The following RNF220 variants were observed in gnomAD, a reference collection of about 807,000 sequenced individuals.
The protein encoded by RNF220 is E3 ubiquitin-protein ligase RNF220.
Under a neutral mutation model 67.1 loss-of-function variants are expected in RNF220, and 7 were observed. The ratio of observed to expected loss-of-function variants is 0.10; its 90% confidence interval spans 0.06 to 0.20. RNF220 has a LOEUF of 0.20. Ranked by LOEUF, RNF220 falls within the 10% of genes least tolerant of loss-of-function variation. The pLI, the probability that RNF220 is intolerant of heterozygous loss-of-function variation, is 1.00. For missense variants in RNF220, 565 were observed against 740.3 expected, an observed-to-expected ratio of 0.76 and a Z score of 2.75; for synonymous variants, 270 against 283.2, an observed-to-expected ratio of 0.95 and a Z score of 0.47.
intron 2 of RNF220, among the ~76,000 whole-genome samples, chr1:44,501,523 G>GCAAAA (rs1491397792): frequency 0.025 from 3,828 of 152,140 alleles, 147 homozygotes; most frequent in African/African-American, 0.088. Context: ...GAGGAAGGCT[G>GCAAAA]GGCAGAGAAG....
rs148132431 is a variant in RNF220 at position 44,628,136 on chromosome 1, A to G, written c.906+1738A>G. ...GGAATTCTGATCTGATAGGGAACAG[A>G]GACAAGGCTTTGTTCCAGAGCATTC... On this transcript the variant is annotated intron_variant, in intron 5 of 14. Coordinates refer to ENST00000361799, the MANE Select transcript of RNF220 (RefSeq NM_018150.4). Among the ~76,000 whole-genome samples, 25 of 152,380 alleles carry G rather than the reference A, an allele frequency of 1.6e-4. No individual in the cohort carries two copies. The East Asian group carries it at 4.4e-3, about 27-fold the overall frequency.
chr1:44,597,801 C>G (rs1393169253), intron 2 of RNF220, among the ~76,000 whole-genome samples: 2 of 152,122 alleles, frequency 1.3e-5, no homozygotes, highest in Non-Finnish European at 2.9e-5. Context: ...TTACATGGAC[C>G]TCTTTCTCTC....
At chr1:44,629,184 G>A (rs545696312) in intron 5 of RNF220, among the ~76,000 whole-genome samples, 1 of 152,344 alleles carries the variant, frequency 6.6e-6, no homozygotes, top group East Asian at 1.9e-4. Flanking sequence ...CACCAAGAGG[G>A]TAAATGCCAA....
At chr1:44,445,152 G>A (rs1461073650) in intron 2 of RNF220, among the ~76,000 whole-genome samples, 1 of 152,050 alleles carries the variant, frequency 6.6e-6, no homozygotes, top group Non-Finnish European at 1.5e-5. Flanking sequence ...CCATTTAAAT[G>A]TTCTCTTTGG....
At chr1:44,599,323 G>A (rs967866740) in intron 2 of RNF220, among the ~76,000 whole-genome samples, 3 of 152,232 alleles carry the variant, frequency 2.0e-5, no homozygotes, top group Admixed American at 2.0e-4. Flanking sequence ...GAAAAAGAGA[G>A]TAGTTAATTA....
chr1:44,469,132 A>G (rs548553446), intron 2 of RNF220, among the ~76,000 whole-genome samples: 1 of 152,314 alleles, frequency 6.6e-6, no homozygotes, highest in African/African-American at 2.4e-5. Flanking sequence ...TATGAAAAAG[A>G]TGCCTAATTT....
Position 44,649,588 on chromosome 1 carries a change from C to A in RNF220, c.1446-73C>A. 2.2e-6 allele frequency: 3 copies of A among 1,390,618 alleles called. No homozygotes were observed. Among genetic ancestry groups the A allele is most frequent in the South Asian group, 1.2e-5 (1 of 85,852 alleles). 86.1% of individuals were successfully genotyped at this position (1,390,618 alleles called of 1,614,324 possible). ...CATTTATGTATTTGGTTCTGGAATTCAAGGGAGGCGTAGGCTGGAGGTACA... is the reference window on the plus strand; with the variant it reads ...CATTTATGTATTTGGTTCTGGAATTAAAGGGAGGCGTAGGCTGGAGGTACA... On this transcript the variant is annotated intron_variant, in intron 12 of 14. Transcript: ENST00000361799. The surrounding 1 kb of genome is among the most constrained non-coding windows in gnomAD (Gnocchi z 5.9).
chr1:44,555,838 T>G (rs1470085770), intron 2 of RNF220, among the ~76,000 whole-genome samples: 1 of 150,682 alleles, frequency 6.6e-6, no homozygotes, highest in Non-Finnish European at 1.5e-5. Context: ...GCTTAGAATG[T>G]CTTCTATGCC....
chr1:44,604,413 A>G (rs1168553320), intron 2 of RNF220, among the ~76,000 whole-genome samples: 1 of 152,194 alleles, frequency 6.6e-6, no homozygotes, highest in African/African-American at 2.4e-5. Flanking sequence ...GAGAAACTGA[A>G]TTGTAGCTCC....
chr1:44,615,753 C>T (rs919413867), intron 3 of RNF220, among the ~76,000 whole-genome samples: 1 of 152,216 alleles, frequency 6.6e-6, no homozygotes, highest in Non-Finnish European at 1.5e-5. Flanking sequence ...AAGGTAAGGC[C>T]TGAGCTGAAT....
At position 44,524,600 on chromosome 1, in the gene RNF220, G is replaced by A. The variant is rs1291107022; in HGVS notation, c.626-89565G>A. Among the ~76,000 whole-genome samples, 3 of 152,214 alleles carry A rather than the reference G, an allele frequency of 2.0e-5. 1 individual carries two copies. Among genetic ancestry groups the A allele is most frequent in the South Asian group, 2.1e-4 (1 of 4,818 alleles). Reference sequence around the variant, plus strand: ...TCTATCTCTCCCTGCGTCTTGCTCTGCCCGTCTCTTCCTCCGCATCTCTCC... The same window carrying A: ...TCTATCTCTCCCTGCGTCTTGCTCTACCCGTCTCTTCCTCCGCATCTCTCC... On this transcript the variant is annotated intron_variant, in intron 2 of 14. Transcript: ENST00000361799.
At chr1:44,566,686 G>A (rs1664047138) in intron 2 of RNF220, among the ~76,000 whole-genome samples, 1 of 132,626 alleles carries the variant, frequency 7.5e-6, no homozygotes, top group Non-Finnish European at 1.8e-5. Flanking sequence ...AGGGGGCCTG[G>A]TGCAGGAACA....
chr1:44,420,131 C>T (rs1188072144), intron 2 of RNF220, among the ~76,000 whole-genome samples: 1 of 152,156 alleles, frequency 6.6e-6, no homozygotes, highest in East Asian at 1.9e-4. Context: ...CTGTGGAATG[C>T]GTTCTGGTTT....
rs1648021067 is a variant in RNF220, at chr1:44,412,067, T to G, written c.-31T>G. 1 of 1,582,620 alleles carries G rather than the reference T, an allele frequency of 6.3e-7. No individual in the cohort carries two copies. The highest frequency in any genetic ancestry group is 1.3e-5 in the African/African-American group (1 of 74,084). ...CTCCCTCCCAGGGAAGACTGCTTCT[T>G]GCGTAACGCCGGCCACAGAAAGAGA... is the stretch of plus-strand genomic sequence containing the variant. On this transcript the variant is annotated 5_prime_UTR_variant, in exon 2 of 15. Transcript: ENST00000361799. The surrounding 1 kb of genome is among the most constrained non-coding windows in gnomAD (Gnocchi z 5.3).
intron 6 of RNF220, 199 bp downstream of exon 6, chr1:44,632,584 A>C: frequency 1.6e-6 from 1 of 624,468 alleles, no homozygotes; most frequent in Non-Finnish European, 2.8e-6. Context: ...TATGGCGCCC[A>C]GCTCTTGCCC....
At chr1:44,506,598 C>T (rs1399118691) in intron 2 of RNF220, among the ~76,000 whole-genome samples, 1 of 152,224 alleles carries the variant, frequency 6.6e-6, no homozygotes, top group Non-Finnish European at 1.5e-5. Flanking sequence ...ATGGCCCAAG[C>T]CAAGTGAAAC....
In RNF220 at chr1:44,417,637, C is replaced by A. The variant is rs1200513709; in HGVS notation, c.625+4915C>A. Among the ~76,000 whole-genome samples, 1 of 152,224 alleles carries A rather than the reference C, an allele frequency of 6.6e-6. No homozygotes were observed. The highest frequency in any genetic ancestry group is 1.5e-5 in the Non-Finnish European group (1 of 68,042). ...GCAGCCGTCCTCCCTCCTCGCCCCG[C>A]GCCCTCCCTCCCATCAATTGTCATG... On this transcript the variant is annotated intron_variant, in intron 2 of 14. Transcript: ENST00000361799. The surrounding 1 kb of genome is among the most constrained non-coding windows in gnomAD (Gnocchi z 4.0).
At chr1:44,620,431 G>A (rs1054624621) in intron 3 of RNF220, among the ~76,000 whole-genome samples, 3 of 152,218 alleles carry the variant, frequency 2.0e-5, no homozygotes, top group Non-Finnish European at 4.4e-5. Context: ...TTGTACAGTA[G>A]ATACCTCATT....
intron 2 of RNF220, among the ~76,000 whole-genome samples, chr1:44,585,398 T>C (rs1244283926): frequency 6.6e-6 from 1 of 152,088 alleles, no homozygotes; most frequent in Non-Finnish European, 1.5e-5. Context: ...AATCCCTCTC[T>C]CTCCTCCCTC....
Sources: gnomAD v4.1 joint callset for allele counts (sites outside exome capture counted in the v4.1 genomes callset) on GRCh38, gnomAD v4.1.1 for gene constraint, Gnocchi (gnomAD v3.1) non-coding constraint, MANE v1.5 for transcripts, NCBI Gene and HGNC (gene_info 2026-07-23, HGNC 2026-07-21) for gene names.